CDH13: variants seen among roughly 807,000 people sequenced by gnomAD.
CDH13 encodes cadherin 13.
CDH13 carries 24 observed loss-of-function variants against 63.8 expected under a neutral mutation model. The ratio of observed to expected loss-of-function variants is 0.38; its 90% CI spans 0.27 to 0.53. The LOEUF (loss-of-function observed/expected upper bound fraction) is 0.53, where lower values mean the gene tolerates loss of function less well. CDH13 is among the 20% of genes least tolerant of loss of function. The pLI is 0.85. For synonymous variants in CDH13, 503 were observed against 355.3 expected (o/e 1.42, Z -4.67); for missense variants, 1,049 against 903.1 (o/e 1.16, Z -2.07).
At chr16:83,406,001 G>A (rs903551039) in intron 6 of CDH13, among the ~76,000 whole-genome samples, 1 of 152,118 alleles carries the variant, frequency 6.6e-6, no homozygotes, top group Admixed American at 6.5e-5. Flanking sequence ...CAGCTGCATT[G>A]GGCACTCCCA....
intron 2 of CDH13, among the ~76,000 whole-genome samples, chr16:82,977,923 C>T (rs1909746195): frequency 6.6e-6 from 1 of 152,146 alleles, no homozygotes; most frequent in South Asian, 2.1e-4. Flanking sequence ...TGTTGAATGT[C>T]TTTGACCAAA....
chr16:82,730,312 C>G (rs1206687556), intron 1 of CDH13, among the ~76,000 whole-genome samples: 1 of 152,174 alleles, frequency 6.6e-6, no homozygotes, highest in African/African-American at 2.4e-5. Context: ...AGGTATGCAA[C>G]TCTTCCTTTT....
At chr16:83,786,231 G>T (rs540642764) in intron 13 of CDH13, among the ~76,000 whole-genome samples, 69 of 152,310 alleles carry the variant, frequency 4.5e-4, no homozygotes, top group Admixed American at 1.0e-3. Context: ...TGGGGATGGA[G>T]TTAACTGACA....
At chr16:83,329,439 G>A (rs191736058) in intron 5 of CDH13, among the ~76,000 whole-genome samples, 10 of 150,352 alleles carry the variant, frequency 6.7e-5, no homozygotes, top group Non-Finnish European at 1.2e-4. Flanking sequence ...GTTTCGCCAT[G>A]TTGGCGAGGC....
chr16:83,243,070 G>T (rs1904625571), intron 5 of CDH13, among the ~76,000 whole-genome samples: 1 of 152,116 alleles, frequency 6.6e-6, no homozygotes, highest in Admixed American at 6.5e-5. Flanking sequence ...GTGAGTAATT[G>T]GTACAGCCAG....
chr16:83,488,926 A>G (rs535332393), intron 7 of CDH13, among the ~76,000 whole-genome samples: 5 of 152,232 alleles, frequency 3.3e-5, no homozygotes, highest in East Asian at 1.9e-4. Flanking sequence ...CGCCCGGCCA[A>G]TGCTCCCTAT....
chr16:83,007,872 A>G (rs1913707541), intron 2 of CDH13, among the ~76,000 whole-genome samples: 1 of 151,750 alleles, frequency 6.6e-6, no homozygotes, highest in Non-Finnish European at 1.5e-5. Flanking sequence ...ATTATTATGC[A>G]TGCAACTTTT....
At chr16:82,659,651 G>A (rs1193648262) in intron 1 of CDH13, among the ~76,000 whole-genome samples, 1 of 152,158 alleles carries the variant, frequency 6.6e-6, no homozygotes, top group Non-Finnish European at 1.5e-5. Flanking sequence ...CCACAGGCCA[G>A]GTACTGTGCG....
At chr16:83,592,115 C>T (rs962023718) in intron 7 of CDH13, among the ~76,000 whole-genome samples, 21 of 152,282 alleles carry the variant, frequency 1.4e-4, no homozygotes, top group Non-Finnish European at 2.8e-4. Context: ...GTGCTGAGCT[C>T]ATCAGGGTGT....
chr16:83,312,848 A>T (rs1794094920), intron 5 of CDH13, among the ~76,000 whole-genome samples: 1 of 152,222 alleles, frequency 6.6e-6, no homozygotes. Flanking sequence ...GAGTGTGGGG[A>T]AGGCCAGGAG....
intron 1 of CDH13, among the ~76,000 whole-genome samples, chr16:82,798,449 T>C (rs1286929043): frequency 6.6e-6 from 1 of 152,210 alleles, no homozygotes; most frequent in Admixed American, 6.5e-5. Context: ...TCTTGAAATG[T>C]GATGGTGTGA....
chr16:82,987,169 C>A (rs1044058950), intron 2 of CDH13, among the ~76,000 whole-genome samples: 4 of 152,174 alleles, frequency 2.6e-5, no homozygotes, highest in African/African-American at 9.7e-5. Context: ...GCTCCCTCCT[C>A]TGTGGTCTTC....
At chr16:82,659,435 A>G (rs1911676521) in intron 1 of CDH13, among the ~76,000 whole-genome samples, 1 of 152,240 alleles carries the variant, frequency 6.6e-6, no homozygotes, top group Non-Finnish European at 1.5e-5. Context: ...CACTGTCTGC[A>G]TGTACTTGGC....
At chr16:82,929,692 C>T (rs941225560) in intron 2 of CDH13, among the ~76,000 whole-genome samples, 7 of 115,180 alleles carry the variant, frequency 6.1e-5, no homozygotes, top group African/African-American at 9.2e-5. Context: ...AAGAAGACAG[C>T]CGTTGATGAA....
chr16:83,511,201 C>A lies in CDH13; in HGVS notation c.960+24546C>A, dbSNP rs142963576. On this transcript the variant is annotated intron_variant, in intron 7 of 13. Coordinates refer to ENST00000567109, the MANE Select transcript of CDH13 (RefSeq NM_001257.5). ...TCGTGGCCGGGTGCGGTGGCTCACA[C>A]CTGTGATCCCAACACTTTGGGAGGC... 8.0e-3 allele frequency among the ~76,000 whole-genome samples: 1,222 copies of A among 152,340 alleles called. 23 individuals carry two copies. Among genetic ancestry groups the A allele is most frequent in the African/African-American group, 0.028 (1,179 of 41,578 alleles).
chr16:82,998,542 C>G (rs552182474), intron 2 of CDH13, among the ~76,000 whole-genome samples: 1 of 152,116 alleles, frequency 6.6e-6, no homozygotes, highest in Non-Finnish European at 1.5e-5. Context: ...AGGAAATACT[C>G]TTGACTTCAT....
rs577215083 is a variant in CDH13 at position 82,781,333 on chromosome 16, C to G, written c.46-77029C>G. 2.3e-3 allele frequency among the ~76,000 whole-genome samples: 357 copies of G among 152,266 alleles called. 2 individuals carry two copies. Among genetic ancestry groups the G allele is most frequent in the African/African-American group, 8.4e-3 (350 of 41,544 alleles). Reference sequence around the variant, plus strand: ...GACCACAAGGGTCCTGCCTACCGTTCTGCTTGCTGGTGGTTCAGGTTTTGT... The same window carrying G: ...GACCACAAGGGTCCTGCCTACCGTTGTGCTTGCTGGTGGTTCAGGTTTTGT... On this transcript the variant is annotated intron_variant, in intron 1 of 13. Coordinates refer to ENST00000567109, the MANE Select transcript of CDH13 (RefSeq NM_001257.5).
intron 6 of CDH13, among the ~76,000 whole-genome samples, chr16:83,389,714 T>A (rs2091747248): frequency 6.6e-6 from 1 of 152,124 alleles, no homozygotes; most frequent in African/African-American, 2.4e-5. Flanking sequence ...TTTCCAAGAC[T>A]CCCCTCAAAC....
intron 2 of CDH13, among the ~76,000 whole-genome samples, chr16:83,025,494 C>G (rs1477141009): frequency 6.6e-6 from 1 of 152,106 alleles, no homozygotes; most frequent in African/African-American, 2.4e-5. Flanking sequence ...CAGATCTCGC[C>G]AGAACTCACT....
Sources: gnomAD v4.1 joint callset for allele counts (sites outside exome capture counted in the v4.1 genomes callset) on GRCh38, gnomAD v4.1.1 for gene constraint, MANE v1.5 for transcripts, NCBI Gene and HGNC (gene_info 2026-07-23, HGNC 2026-07-21) for gene names.